The following COPS8 variants were observed in gnomAD, a reference collection of about 807,000 sequenced individuals.
COPS8 encodes COP9 signalosome complex subunit 8.
Under a neutral mutation model 31.5 loss-of-function variants are expected in COPS8, and 11 were observed. The observed-to-expected ratio is 0.35, with a 90% CI of 0.22 to 0.58. COPS8 has a LOEUF of 0.58. Among genes scored for constraint, COPS8 ranks in the 20% least tolerant of loss-of-function variants. COPS8 has a pLI of 0.83. For missense variants in COPS8, 215 were observed against 255.1 expected (o/e 0.84, Z 1.07); for synonymous variants, 81 against 89.3 (o/e 0.91, Z 0.52).
At chr2:237,093,858 AT>A in intron 4 of COPS8, 6 of 1,158,984 alleles carry the variant, frequency 5.2e-6, no homozygotes, top group Non-Finnish European at 6.4e-6. Flanking sequence ...AATTTTCATT[AT>A]CTGAGATTTT....
chr2:237,092,806 T>C (rs559108681), intron 4 of COPS8, among the ~76,000 whole-genome samples: 10 of 152,146 alleles, frequency 6.6e-5, no homozygotes, highest in Non-Finnish European at 1.2e-4. Context: ...CGGCAGTTTT[T>C]AAGGAATCTG....
At position 237,094,177 on chromosome 2, in the gene COPS8, C is replaced by A. The variant is rs1222585991; in HGVS notation, c.419C>A (p.Pro140His). The change falls in exon 5 of 8, where the codon CCT becomes CAT. Residue 140 changes from proline to histidine, a missense_variant. By Grantham distance (77) the Pro-to-His change is moderately conservative (BLOSUM62 -2). Coordinates refer to ENST00000354371, the MANE Select transcript of COPS8 (RefSeq NM_006710.5). ...ADDFAAFVGLPVEEAVKGILE... is the reference protein window; with the variant it reads ...ADDFAAFVGLHVEEAVKGILE... ...GATTTTGCAGCCTTTGTTGGACTTC[C>A]TGTAGAAGAGGCTGTGAAAGGTAAT... is the stretch of plus-strand genomic sequence containing the variant. 1 of 1,613,778 alleles carries A rather than the reference C, an allele frequency of 6.2e-7. No individual in the cohort carries two copies. The highest frequency in any genetic ancestry group is 8.5e-7 in the Non-Finnish European group (1 of 1,179,882).
In COPS8 at chr2:237,088,610, A is replaced by C; in HGVS notation, c.155A>C (p.Asn52Thr). 1.3e-6 allele frequency: 2 copies of C among 1,591,744 alleles called. No individual in the cohort carries two copies. Among genetic ancestry groups the C allele is most frequent in the Non-Finnish European group, 1.7e-6 (2 of 1,164,140 alleles). Residue 52 changes from asparagine (N) to threonine (T), a missense_variant, in exon 3 of 8, where the codon AAT becomes ACT. Asn to Thr is a moderately conservative substitution (Grantham distance 65). Coordinates refer to ENST00000354371, the MANE Select transcript of COPS8 (RefSeq NM_006710.5). ...ALYLLHNDMN[N>T]ARYLWKRIPP... ...TTTGTGGTGGCGTAAATTAGGAATAATGCAAGATATCTTTGGAAAAGAATA... is the reference window on the plus strand; with the variant it reads ...TTTGTGGTGGCGTAAATTAGGAATACTGCAAGATATCTTTGGAAAAGAATA...
chr2:237,096,929 G>A (rs28631187), intron 7 of COPS8, 60 bp downstream of exon 7: 75,089 of 1,129,070 alleles, frequency 0.067, 3,129 homozygotes, highest in African/African-American at 0.2. Context: ...CTTTTTTGTA[G>A]TATATATGTA....
Position 237,086,061 on chromosome 2 carries a change from C to G in COPS8, c.78+19C>G. The G allele has an allele frequency of 1.2e-6, 2 of 1,605,968 alleles. No individual in the cohort carries two copies. Among genetic ancestry groups the G allele is most frequent in the South Asian group, 1.1e-5 (1 of 90,340 alleles). ...GCTCGAGGTAACCCTTTGCGTCGCGCTGGGAGAAACTGCGGAGTAGTCTTA... is the reference window on the plus strand; with the variant it reads ...GCTCGAGGTAACCCTTTGCGTCGCGGTGGGAGAAACTGCGGAGTAGTCTTA... On this transcript the variant is annotated intron_variant, in intron 1 of 7. Transcript: ENST00000354371.
intron 4 of COPS8, chr2:237,093,521 G>A (rs150259827): frequency 8.2e-5 from 18 of 219,884 alleles, no homozygotes; most frequent in Non-Finnish European, 1.4e-4. Flanking sequence ...GAAAGTTTTC[G>A]TTGCTGGTAT....
chr2:237,091,497 C>T (rs968684828), intron 4 of COPS8, among the ~76,000 whole-genome samples: 17 of 152,158 alleles, frequency 1.1e-4, no homozygotes, highest in Non-Finnish European at 1.5e-4. Context: ...ACTGTGGTTT[C>T]CTTTGTAAAA....
At chr2:237,094,852 A>T (rs1003676096) in intron 5 of COPS8, among the ~76,000 whole-genome samples, 1 of 152,066 alleles carries the variant, frequency 6.6e-6, no homozygotes, top group Non-Finnish European at 1.5e-5. Flanking sequence ...TGTAATCCCA[A>T]CTACTCAGGA....
intron 5 of COPS8, among the ~76,000 whole-genome samples, chr2:237,094,503 C>T (rs1209500375): frequency 6.6e-6 from 1 of 152,102 alleles, no homozygotes; most frequent in Non-Finnish European, 1.5e-5. Context: ...ATAAAGGCAG[C>T]ATCATCCCCA....
intron 3 of COPS8, among the ~76,000 whole-genome samples, chr2:237,089,382 G>A (rs576539254): frequency 2.6e-5 from 4 of 151,978 alleles, no homozygotes; most frequent in Non-Finnish European, 5.9e-5. Flanking sequence ...TATAAATCAT[G>A]CACATAAGTT....
intron 7 of COPS8, among the ~76,000 whole-genome samples, chr2:237,097,263 T>C (rs1207258352): frequency 6.8e-6 from 1 of 148,148 alleles, no homozygotes; most frequent in Non-Finnish European, 1.5e-5. Context: ...GACAATTTAA[T>C]ATTCTTCAGT....
chr2:237,088,319 C>T (rs1187600723), intron 2 of COPS8, among the ~76,000 whole-genome samples: 1 of 152,080 alleles, frequency 6.6e-6, no homozygotes, highest in Non-Finnish European at 1.5e-5. Context: ...GTCTATAAAT[C>T]CTCGTGTTTT....
chr2:237,096,856 T>G lies in COPS8; in HGVS notation c.537T>G (p.Phe179Leu), dbSNP rs1228244316. 1.2e-6 allele frequency: 2 copies of G among 1,610,316 alleles called. No individual in the cohort carries two copies. The highest frequency in any genetic ancestry group is 1.3e-5 in the African/African-American group (1 of 74,780). ...AGALDVSFNK[F>L]IPLSEPAPVP... The stretch of plus-strand genomic sequence containing the variant: ...CCCTGGATGTTTCCTTTAACAAGTT[T>G]ATTCCCTTATCAGGTATGTATTTTC... Residue 179 changes from phenylalanine to leucine, a missense_variant, in exon 7 of 8, where the codon TTT (phenylalanine) becomes TTG (leucine). By Grantham distance (22) the Phe-to-Leu change is conservative. Transcript: ENST00000354371.
chr2:237,091,156 G>C (rs1296849754), intron 4 of COPS8, among the ~76,000 whole-genome samples: 2 of 152,148 alleles, frequency 1.3e-5, no homozygotes, highest in Non-Finnish European at 2.9e-5. Context: ...CGGGTCCGTA[G>C]TTTTATTCCT....
At chr2:237,095,215 T>G (rs1049743601) in intron 5 of COPS8, among the ~76,000 whole-genome samples, 7 of 152,196 alleles carry the variant, frequency 4.6e-5, no homozygotes, top group Non-Finnish European at 8.8e-5. Flanking sequence ...TATAACATAC[T>G]TCAGAGCTCG....
At chr2:237,088,752 A>G in intron 3 of COPS8, 99 bp downstream of exon 3, 1 of 702,484 alleles carries the variant, frequency 1.4e-6, no homozygotes, top group Admixed American at 3.0e-5. Flanking sequence ...ACGTCCTAGT[A>G]ATAGTCATCA....
rs1439249821 is a variant in COPS8 at position 237,096,022 on chromosome 2, C to T, written c.502+138C>T. 2.7e-5 allele frequency: 17 copies of T among 619,732 alleles called. 1 individual carries two copies. In the East Asian group the frequency reaches 3.6e-4, roughly 13 times the overall value. 38.4% of individuals were successfully genotyped at this position (619,732 alleles called of 1,614,324 possible). A position where few individuals can be genotyped will look rare whatever the true frequency, so the allele number is the denominator to read the frequency against. On this transcript the variant is annotated intron_variant, in intron 6 of 7. Transcript: ENST00000354371. ...TGGAAATAACTCATTTTAAATAAAG[C>T]GTAGTAGACGGGGTAGAAAGGATCA...
chr2:237,092,827 G>A (rs1449423083), intron 4 of COPS8, among the ~76,000 whole-genome samples: 1 of 152,194 alleles, frequency 6.6e-6, no homozygotes, highest in Non-Finnish European at 1.5e-5. Context: ...AGAAAACAAA[G>A]CCTAAGTGTT....
chr2:237,091,719 G>A lies in COPS8; in HGVS notation c.331+1725G>A, dbSNP rs573663122. ...AAAACTATTTTTGCAGGAAACAAGG[G>A]CTGAGGAAGTACTTAGAAACTAGGT... On this transcript the variant is annotated intron_variant, in intron 4 of 7. Transcript: ENST00000354371. Among the ~76,000 whole-genome samples the A allele has an allele frequency of 5.3e-5, 8 of 152,314 alleles. No individual in the cohort carries two copies. In the South Asian group the frequency reaches 1.7e-3, roughly 32 times the overall value.
Sources: gnomAD v4.1 joint callset for allele counts (sites outside exome capture counted in the v4.1 genomes callset) on GRCh38, gnomAD v4.1.1 for gene constraint, MANE v1.5 for transcripts, NCBI Gene and HGNC (gene_info 2026-07-23, HGNC 2026-07-21) for gene names.